Variants in GPHN observed in about 807,000 individuals in gnomAD.
GPHN encodes gephyrin.
In GPHN, 17 loss-of-function variants were observed where a neutral mutation model predicts 95.5. The ratio of observed to expected loss-of-function variants is 0.18; its 90% CI spans 0.12 to 0.27. The LOEUF (loss-of-function observed/expected upper bound fraction) is 0.27, where lower values mean the gene tolerates loss of function less well. GPHN is among the 10% of genes least tolerant of loss of function. GPHN has a pLI of 1.00. For missense variants in GPHN, 660 were observed against 978.1 expected, an observed-to-expected ratio of 0.67 and a Z score of 4.34; for synonymous variants, 320 against 322.5, an observed-to-expected ratio of 0.99 and a Z score of 0.08.
At chr14:67,021,967 T>C (rs936774146) in intron 9 of GPHN, among the ~76,000 whole-genome samples, 5 of 152,108 alleles carry the variant, frequency 3.3e-5, no homozygotes, top group Non-Finnish European at 7.4e-5. Context: ...TTTTAACATT[T>C]CCCCCTTTCT....
intron 4 of GPHN, among the ~76,000 whole-genome samples, chr14:66,877,425 TAAG>T (rs891021025): frequency 6.6e-6 from 1 of 152,158 alleles, no homozygotes; most frequent in African/African-American, 2.4e-5. Context: ...GGTATTCAAA[TAAG>T]AAGAGAGGAA....
intron 11 of GPHN, among the ~76,000 whole-genome samples, chr14:67,075,451 C>A (rs561838960): frequency 4.1e-4 from 62 of 152,162 alleles, no homozygotes; most frequent in African/African-American, 1.4e-3. Flanking sequence ...CCTCTGTAGT[C>A]CATAGATCAA....
At chr14:67,557,323 G>A in the GPHN span, 1 of 1,613,764 alleles carries the variant, frequency 6.2e-7, no homozygotes. Context: ...TGTGGACTCT[G>A]AGGGGAGCCT....
chr14:67,568,023 G>A, the GPHN span, among the ~76,000 whole-genome samples: 1 of 152,202 alleles, frequency 6.6e-6, no homozygotes, highest in Non-Finnish European at 1.5e-5. Flanking sequence ...CATTCTCCCA[G>A]TGTCTTCTGC....
chr14:66,984,607 A>G (rs2070895135), intron 9 of GPHN, among the ~76,000 whole-genome samples: 1 of 152,224 alleles, frequency 6.6e-6, no homozygotes, highest in Admixed American at 6.5e-5. Context: ...AAGGGATAAG[A>G]CAATATATAT....
chr14:66,891,898 G>A (rs989416079), intron 5 of GPHN, among the ~76,000 whole-genome samples: 1 of 151,988 alleles, frequency 6.6e-6, no homozygotes, highest in African/African-American at 2.4e-5. Flanking sequence ...TAGTCATTAG[G>A]GAAATGCAAA....
At chr14:66,584,967 C>G (rs1236330911) in intron 1 of GPHN, among the ~76,000 whole-genome samples, 2 of 152,116 alleles carry the variant, frequency 1.3e-5, no homozygotes, top group Non-Finnish European at 2.9e-5. Context: ...GGAATGGTAC[C>G]AGTTCCTCCT....
At chr14:67,442,318 C>T in the GPHN span, among the ~76,000 whole-genome samples, 1 of 152,084 alleles carries the variant, frequency 6.6e-6, no homozygotes, top group African/African-American at 2.4e-5. Flanking sequence ...TACGTGCACC[C>T]GTTGGTTCAG....
At chr14:67,163,339 TTATTATTAC>T (rs1274059926) in intron 19 of GPHN, among the ~76,000 whole-genome samples, 2 of 151,954 alleles carry the variant, frequency 1.3e-5, no homozygotes, top group African/African-American at 4.8e-5. Flanking sequence ...ATAGATATTT[TTATTATTAC>T]TGTTATTATG....
chr14:67,255,065 C>G, the GPHN span, among the ~76,000 whole-genome samples: 47 of 152,236 alleles, frequency 3.1e-4, no homozygotes, highest in Admixed American at 1.6e-3. Flanking sequence ...AGGAGAATCG[C>G]TTGAACCTGG....
chr14:67,368,780 C>G, the GPHN span, among the ~76,000 whole-genome samples: 1 of 152,022 alleles, frequency 6.6e-6, no homozygotes, highest in East Asian at 1.9e-4. Flanking sequence ...CACAGCTGTT[C>G]GGGAGGCTGA....
chr14:67,336,528 G>C, the GPHN span: 1 of 327,304 alleles, frequency 3.1e-6, no homozygotes, highest in Admixed American at 4.1e-5. Flanking sequence ...GCTTTACATT[G>C]AATTTACCTA....
At chr14:67,492,304 G>C in the GPHN span, among the ~76,000 whole-genome samples, 2 of 152,184 alleles carry the variant, frequency 1.3e-5, no homozygotes, top group African/African-American at 4.8e-5. Context: ...CGCCGTCCCA[G>C]AGTGAGGCAT....
intron 1 of GPHN, among the ~76,000 whole-genome samples, chr14:66,585,430 G>A (rs1391127150): frequency 1.3e-5 from 2 of 152,026 alleles, no homozygotes; most frequent in African/African-American, 2.4e-5. Context: ...CATTCTGCTA[G>A]CGTTTGAATG....
chr14:67,556,446 ATTTT>A, the GPHN span, among the ~76,000 whole-genome samples: 4 of 152,018 alleles, frequency 2.6e-5, no homozygotes, highest in East Asian at 7.7e-4. Context: ...TTATTTATTT[ATTTT>A]ATTTTTTAAA....
intron 5 of GPHN, among the ~76,000 whole-genome samples, chr14:66,904,616 A>G (rs576440313): frequency 6.6e-6 from 1 of 152,066 alleles, no homozygotes; most frequent in Non-Finnish European, 1.5e-5. Context: ...TTCACCTCTC[A>G]ATGCCCCCTT....
At chr14:66,554,096 A>C (rs953232475) in intron 1 of GPHN, among the ~76,000 whole-genome samples, 4 of 152,118 alleles carry the variant, frequency 2.6e-5, no homozygotes, top group African/African-American at 9.7e-5. Flanking sequence ...TTGGCTGCTT[A>C]TCTGAAAGTT....
At chr14:66,622,469 C>T (rs1482390225) in intron 1 of GPHN, among the ~76,000 whole-genome samples, 1 of 152,184 alleles carries the variant, frequency 6.6e-6, no homozygotes, top group Non-Finnish European at 1.5e-5. Flanking sequence ...TTGCAAATTT[C>T]TGCATCCGGC....
At chr14:66,695,768 A>G (rs2068064572) in intron 2 of GPHN, among the ~76,000 whole-genome samples, 1 of 152,216 alleles carries the variant, frequency 6.6e-6, no homozygotes. Context: ...AAAGCTACAC[A>G]TTGTAAGTAT....
Sources: allele counts gnomAD v4.1 joint callset (sites outside exome capture counted in the v4.1 genomes callset), GRCh38; gene constraint gnomAD v4.1.1; transcripts MANE v1.5; gene names NCBI Gene and HGNC (gene_info 2026-07-23, HGNC 2026-07-21).